The following GLIS3 variants were observed in gnomAD, a reference collection of about 807,000 sequenced individuals.
GLIS3 encodes GLIS family zinc finger 3, also known as zinc finger protein GLIS3.
Under a neutral mutation model 78.6 loss-of-function variants are expected in GLIS3, and 53 were observed. The observed-to-expected ratio is 0.67, with a 90% CI of 0.54 to 0.85. The LOEUF (loss-of-function observed/expected upper bound fraction) is 0.85, where lower values mean the gene tolerates loss of function less well. Among genes scored for constraint, GLIS3 ranks in the 40% least tolerant of loss-of-function variants. The pLI, the probability that GLIS3 is intolerant of heterozygous loss-of-function variation, is 0.00. For missense variants in GLIS3, 1,703 were observed against 1,231.1 expected, an observed-to-expected ratio of 1.38 and a Z score of -5.74; for synonymous variants, 684 against 509.9, an observed-to-expected ratio of 1.34 and a Z score of -4.60.
intron 1 of GLIS3, among the ~76,000 whole-genome samples, chr9:4,296,646 G>C (rs894703804): frequency 8.5e-5 from 13 of 152,164 alleles, no homozygotes; most frequent in African/African-American, 2.9e-4. Flanking sequence ...GGTGAACCAA[G>C]GGGAGAAGTT....
In GLIS3 at chr9:3,860,272, C is replaced by CAAAAAAAAAAAAAAAAAAAAAAAAAAA. The variant is rs59923144; in HGVS notation, c.2298-4115_2298-4089dup. 6.2e-4 allele frequency among the ~76,000 whole-genome samples: 33 copies of CAAAAAAAAAAAAAAAAAAAAAAAAAAA among 53,606 alleles called. 1 individual carries two copies. Among genetic ancestry groups the CAAAAAAAAAAAAAAAAAAAAAAAAAAA allele is most frequent in the Non-Finnish European group, 8.7e-4 (28 of 32,354 alleles). 35.2% of individuals were successfully genotyped at this position (53,606 alleles called of 152,430 possible). A position where few individuals can be genotyped will look rare whatever the true frequency, so the allele number is the denominator to read the frequency against. Reference sequence around the variant, plus strand: ...CCTGGGTGACAGAGCAAGACTCTGTCAAAAAAAAAAAAAAAAAAAAAAAAA... The same window carrying CAAAAAAAAAAAAAAAAAAAAAAAAAAA: ...CCTGGGTGACAGAGCAAGACTCTGTCAAAAAAAAAAAAAAAAAAAAAAAAAAAAAAAAAAAAAAAAAAAAAAAAAAAA... On this transcript the variant is annotated intron_variant, in intron 8 of 10. Transcript: ENST00000381971.
chr9:3,997,493 G>A (rs895694192), intron 4 of GLIS3, among the ~76,000 whole-genome samples: 12 of 152,046 alleles, frequency 7.9e-5, no homozygotes, highest in African/African-American at 2.2e-4. Context: ...CATTTTATGC[G>A]ATCCTCACTC....
intron 2 of GLIS3, among the ~76,000 whole-genome samples, chr9:4,267,787 G>C (rs7045959): frequency 1.3e-5 from 2 of 151,936 alleles, no homozygotes; most frequent in Admixed American, 1.3e-4. Flanking sequence ...TTAGTCTCTT[G>C]AAGTCTCAAA....
intron 2 of GLIS3, among the ~76,000 whole-genome samples, chr9:4,154,053 A>G (rs912603371): frequency 1.3e-5 from 2 of 152,204 alleles, no homozygotes; most frequent in African/African-American, 4.8e-5. Flanking sequence ...GAGGCTGTCA[A>G]TAAGAACACC....
chr9:4,303,165 T>C (rs1817136598), upstream of GLIS3, among the ~76,000 whole-genome samples: 1 of 152,092 alleles, frequency 6.6e-6, no homozygotes, highest in Non-Finnish European at 1.5e-5. Flanking sequence ...ATCAGATTCC[T>C]CCTCCCACAA....
Position 4,342,930 on chromosome 9 carries a change from T to C in GLIS3, n.264+4151A>G, listed in dbSNP as rs939673819. On this transcript the variant is annotated intron_variant and non_coding_transcript_variant, in intron 2 of 4. Transcript: ENST00000471664. Reference sequence around the variant, plus strand: ...TTGATTATAGAAATGCTACTGATTTTTGTACACTGGTTTTGTATCCTCAAA... The same window carrying C: ...TTGATTATAGAAATGCTACTGATTTCTGTACACTGGTTTTGTATCCTCAAA... Among the ~76,000 whole-genome samples, 4 of 152,350 alleles carry C rather than the reference T, an allele frequency of 2.6e-5. No homozygotes were observed. The Middle Eastern group carries it at 0.01, about 389-fold the overall frequency.
At chr9:3,869,324 C>G (rs187387012) in intron 8 of GLIS3, among the ~76,000 whole-genome samples, 1 of 151,772 alleles carries the variant, frequency 6.6e-6, no homozygotes, top group African/African-American at 2.4e-5. Flanking sequence ...ATACCAACAT[C>G]GCTGATTACT....
the GLIS3 span, among the ~76,000 whole-genome samples, chr9:4,355,997 G>A: frequency 2.6e-5 from 4 of 152,126 alleles, no homozygotes; most frequent in Non-Finnish European, 5.9e-5. Context: ...GTGTTCTATG[G>A]TACAAAAATT....
intron 4 of GLIS3, among the ~76,000 whole-genome samples, chr9:4,078,847 G>C (rs1245427233): frequency 6.6e-6 from 1 of 152,104 alleles, no homozygotes; most frequent in Non-Finnish European, 1.5e-5. Flanking sequence ...ACTCAGAGAG[G>C]GCATTGGATC....
chr9:4,068,377 T>G (rs886954054), intron 4 of GLIS3, among the ~76,000 whole-genome samples: 2 of 152,112 alleles, frequency 1.3e-5, no homozygotes, highest in Non-Finnish European at 2.9e-5. Flanking sequence ...AAGTAAAATA[T>G]TTAATTAGAA....
the GLIS3 span, among the ~76,000 whole-genome samples, chr9:4,407,748 G>A: frequency 6.6e-6 from 1 of 152,158 alleles, no homozygotes; most frequent in Non-Finnish European, 1.5e-5. Flanking sequence ...CGCAAACAAA[G>A]CAGAAATGTA....
At chr9:4,325,769 A>G (rs965566540) in intron 2 of GLIS3, among the ~76,000 whole-genome samples, 2 of 152,158 alleles carry the variant, frequency 1.3e-5, no homozygotes, top group African/African-American at 4.8e-5. Context: ...AAGCTTGAGA[A>G]ATAAAGGATA....
At chr9:3,913,559 C>G in intron 6 of GLIS3, among the ~76,000 whole-genome samples, 1 of 152,160 alleles carries the variant, frequency 6.6e-6, no homozygotes, top group East Asian at 1.9e-4. Context: ...CACAAACCTC[C>G]CTCATCTGGA....
intron 2 of GLIS3, among the ~76,000 whole-genome samples, chr9:4,321,603 T>C (rs1414487316): frequency 1.7e-5 from 1 of 60,518 alleles, no homozygotes; most frequent in East Asian, 4.8e-4. Context: ...CACCCCAGTA[T>C]CGAGAGCATT....
chr9:4,470,011 G>C, the GLIS3 span, among the ~76,000 whole-genome samples: 2 of 151,826 alleles, frequency 1.3e-5, no homozygotes, highest in East Asian at 1.9e-4. Flanking sequence ...TAGAAGAAAT[G>C]GATAAATTCC....
intron 2 of GLIS3, among the ~76,000 whole-genome samples, chr9:4,320,006 TGTGTGTGTGTGTGTGTGTGCGC>T (rs758205752): frequency 5.4e-5 from 3 of 55,442 alleles, no homozygotes; most frequent in Non-Finnish European, 1.3e-4. Context: ...TGTGTGTGTG[TGTGTGTGTGTGTGTGTGTGCGC>T]GCGCACAAGA....
the GLIS3 span, among the ~76,000 whole-genome samples, chr9:4,402,159 G>C: frequency 6.6e-6 from 1 of 152,182 alleles, no homozygotes; most frequent in Non-Finnish European, 1.5e-5. Context: ...CCACAGGGGT[G>C]TTTGCATCAC....
chr9:4,061,413 A>G (rs1014565161), intron 4 of GLIS3, among the ~76,000 whole-genome samples: 1 of 152,050 alleles, frequency 6.6e-6, no homozygotes, highest in Non-Finnish European at 1.5e-5. Context: ...TTATGGCTGC[A>G]TAGTATTCCA....
chr9:4,089,877 T>G (rs1399998202), intron 4 of GLIS3, among the ~76,000 whole-genome samples: 7 of 152,098 alleles, frequency 4.6e-5, no homozygotes, highest in Non-Finnish European at 1.5e-5. Flanking sequence ...AATTAGACAG[T>G]GACAAAGGGA....
Sources: gnomAD v4.1 joint callset for allele counts (sites outside exome capture counted in the v4.1 genomes callset) on GRCh38, gnomAD v4.1.1 for gene constraint, MANE v1.5 for transcripts, NCBI Gene and HGNC (gene_info 2026-07-23, HGNC 2026-07-21) for gene names.